Variants in OLAH observed in about 807,000 individuals in gnomAD.
OLAH encodes S-acyl fatty acid synthase thioesterase, medium chain.
Under a neutral mutation model 27.8 loss-of-function variants are expected in OLAH, and 33 were observed. That is an observed-to-expected ratio of 1.19 (90% CI 0.90 to 1.59). The LOEUF is 1.59. Ranked by LOEUF, OLAH falls within the 40% of genes most tolerant of loss-of-function variation. The pLI, the probability that OLAH is intolerant of heterozygous loss-of-function variation, is 0.00. For synonymous variants in OLAH, 120 were observed against 102.9 expected (o/e 1.17, Z -1.01); for missense variants, 359 against 310.8 (o/e 1.16, Z -1.17).
intron 2 of OLAH, among the ~76,000 whole-genome samples, chr10:15,047,945 T>C (rs1026785200): frequency 4.6e-5 from 7 of 152,180 alleles, no homozygotes; most frequent in Non-Finnish European, 8.8e-5. Flanking sequence ...TCAGTTGGTG[T>C]TAGTTTTGGA....
chr10:15,061,615 C>A, intron 3 of OLAH, 109 bp from the exon 4 acceptor site: 1 of 1,027,248 alleles, frequency 9.7e-7, no homozygotes, highest in Non-Finnish European at 1.3e-6. Context: ...TAACTGTTAT[C>A]ATTCATTTCT....
At chr10:15,054,039 A>AT (rs34022567) in intron 3 of OLAH, among the ~76,000 whole-genome samples, 29,344 of 129,076 alleles carry the variant, frequency 0.23, 3,881 homozygotes, top group South Asian at 0.38. Context: ...CCTCTTAAGC[A>AT]TTTTTTTTTT....
upstream of OLAH, among the ~76,000 whole-genome samples, chr10:15,043,629 C>T (rs1188107080): frequency 6.6e-6 from 1 of 151,976 alleles, no homozygotes; most frequent in African/African-American, 2.4e-5. Context: ...CCATGCCCAG[C>T]TAATTTTTTG....
Position 15,072,902 on chromosome 10 carries a change from G to T in OLAH, c.656-185G>T, listed in dbSNP as rs539062233. ...TGCCTTTTGGATTTAGGTGGTTTTTGATTAAGGTAAACTTTAGAATGAGGG... is the reference window on the plus strand; with the variant it reads ...TGCCTTTTGGATTTAGGTGGTTTTTTATTAAGGTAAACTTTAGAATGAGGG... On this transcript the variant is annotated intron_variant, in intron 7 of 7. Transcript: ENST00000378228. 2.0e-5 allele frequency among the ~76,000 whole-genome samples: 3 copies of T among 152,200 alleles called. No individual in the cohort carries two copies. The South Asian group carries it at 6.2e-4, about 32-fold the overall frequency.
chr10:15,036,224 G>A (rs561241024), intron 1 of OLAH, among the ~76,000 whole-genome samples: 4 of 152,084 alleles, frequency 2.6e-5, no homozygotes, highest in Admixed American at 6.5e-5. Context: ...GGAGCCAGGC[G>A]TGGTGACTCA....
intron 2 of OLAH, among the ~76,000 whole-genome samples, chr10:15,048,258 C>T (rs1178678669): frequency 1.3e-5 from 2 of 152,138 alleles, no homozygotes; most frequent in African/African-American, 4.8e-5. Flanking sequence ...CACTCTGTCA[C>T]CCAGGCTGGA....
chr10:15,056,341 G>T (rs1243235335), intron 3 of OLAH, among the ~76,000 whole-genome samples: 1 of 151,996 alleles, frequency 6.6e-6, no homozygotes, highest in East Asian at 1.9e-4. Context: ...TTTCTGGGTG[G>T]TAGAGTATGA....
intron 3 of OLAH, among the ~76,000 whole-genome samples, chr10:15,050,091 C>G (rs1844104208): frequency 6.6e-6 from 1 of 152,092 alleles, no homozygotes. Context: ...TTTCCCTTTT[C>G]TGCTTTTCTT....
intron 1 of OLAH, among the ~76,000 whole-genome samples, chr10:15,033,954 G>A (rs954293434): frequency 2.0e-5 from 3 of 151,996 alleles, no homozygotes; most frequent in African/African-American, 7.3e-5. Context: ...TAGGGAGAAA[G>A]GAAGGAAGAA....
intron 3 of OLAH, among the ~76,000 whole-genome samples, chr10:15,052,279 CCTAAAAAAAATAAATAAA>C: frequency 6.6e-6 from 1 of 152,026 alleles, no homozygotes; most frequent in Non-Finnish European, 1.5e-5. Flanking sequence ...TGAGACTCTG[CCTAAAAAAAATAAATAAA>C]AACAATGTGG....
At position 15,047,275 on chromosome 10, in the gene OLAH, C is replaced by T. The variant is rs1844037560; in HGVS notation, c.-14C>T. ...GCCACAGAGACCAGCCATCTTGCAACCTCACCTCACAGCATGGAGAGAGGA... is the reference window on the plus strand; with the variant it reads ...GCCACAGAGACCAGCCATCTTGCAATCTCACCTCACAGCATGGAGAGAGGA... On this transcript the variant is annotated 5_prime_UTR_variant, in exon 2 of 8. Transcript: ENST00000378228. The T allele has an allele frequency of 6.2e-7, 1 of 1,613,174 alleles. No individual in the cohort carries two copies. The highest frequency in any genetic ancestry group is 2.2e-5 in the East Asian group (1 of 44,858).
upstream of OLAH, among the ~76,000 whole-genome samples, chr10:15,042,726 C>T (rs1027275132): frequency 3.3e-5 from 5 of 152,194 alleles, no homozygotes; most frequent in African/African-American, 1.2e-4. Flanking sequence ...AGAACCCAAG[C>T]CTTCTTTTCA....
chr10:15,047,032 C>G (rs1844032000), intron 1 of OLAH, 94 bp from the exon 2 acceptor site: 6 of 411,060 alleles, frequency 1.5e-5, no homozygotes, highest in Non-Finnish European at 2.6e-5. Context: ...TGGTTCTAAC[C>G]CATTTCTTCT....
intron 6 of OLAH, chr10:15,071,547 T>C: frequency 1.0e-6 from 1 of 985,476 alleles, no homozygotes; most frequent in Non-Finnish European, 1.2e-6. Flanking sequence ...AGTTGAACTG[T>C]GTGCCCCAGT....
chr10:15,062,663 T>C (rs1844390621), intron 4 of OLAH, among the ~76,000 whole-genome samples: 1 of 151,830 alleles, frequency 6.6e-6, no homozygotes, highest in Non-Finnish European at 1.5e-5. Flanking sequence ...TGCTTCATGA[T>C]TTGTTTGATT....
rs138393582 is a variant in OLAH at position 15,037,410 on chromosome 10, G to A, written c.-164+5060G>A. ...AGCCTGGCCAACATGGTGAAACCCC[G>A]TCTCTACTAAAAATACAAAAATTAG... On this transcript the variant is annotated intron_variant, in intron 1 of 3. Transcript: ENST00000413672. Among the ~76,000 whole-genome samples the A allele has an allele frequency of 1.3e-3, 193 of 151,934 alleles. 2 individuals carry two copies. The highest frequency in any genetic ancestry group is 4.0e-3 in the African/African-American group (164 of 41,462).
At chr10:15,065,540 T>C in intron 5 of OLAH, 44 bp from the exon 6 acceptor site, 1 of 1,560,340 alleles carries the variant, frequency 6.4e-7, no homozygotes, top group East Asian at 2.3e-5. Flanking sequence ...GAGCCAAGTG[T>C]GTTATATGAA....
At chr10:15,046,793 T>C (rs1166445968) in intron 1 of OLAH, among the ~76,000 whole-genome samples, 1 of 152,224 alleles carries the variant, frequency 6.6e-6, no homozygotes, top group African/African-American at 2.4e-5. Context: ...GACATCTCTG[T>C]TGCCAAAACA....
At chr10:15,037,647 C>G (rs963585036) in intron 1 of OLAH, among the ~76,000 whole-genome samples, 1 of 151,968 alleles carries the variant, frequency 6.6e-6, no homozygotes, top group African/African-American at 2.4e-5. Context: ...GAGGCCTAAC[C>G]GATAGCTAGA....
Sources: gnomAD v4.1 joint callset for allele counts (sites outside exome capture counted in the v4.1 genomes callset) on GRCh38, gnomAD v4.1.1 for gene constraint, MANE v1.5 for transcripts, NCBI Gene and HGNC (gene_info 2026-07-23, HGNC 2026-07-21) for gene names.